Variants in CDH4 observed in about 807,000 individuals in gnomAD.
The protein encoded by CDH4 is cadherin 4.
In CDH4, 33 loss-of-function variants were observed where a neutral mutation model predicts 86.0. The observed-to-expected ratio is 0.38, with a 90% CI of 0.29 to 0.51. The LOEUF is 0.51. CDH4 is among the 20% of genes least tolerant of loss of function. The pLI is 0.86. For missense variants in CDH4, 1,114 were observed against 1,307.4 expected (o/e 0.85, Z 2.28); for synonymous variants, 555 against 549.4 (o/e 1.01, Z -0.14).
At chr20:61,750,675 A>T (rs548173759) in intron 3 of CDH4, among the ~76,000 whole-genome samples, 1 of 152,354 alleles carries the variant, frequency 6.6e-6, no homozygotes, top group South Asian at 2.1e-4. Flanking sequence ...CAAGAAAAAG[A>T]AATTAGAATA....
intron 2 of CDH4, among the ~76,000 whole-genome samples, chr20:61,538,561 C>T (rs967652717): frequency 6.6e-6 from 1 of 152,186 alleles, no homozygotes; most frequent in Non-Finnish European, 1.5e-5. Flanking sequence ...TCCGCCTGTC[C>T]CTGCTGGTGC....
At chr20:61,265,400 A>G (rs1343369110) in intron 2 of CDH4, among the ~76,000 whole-genome samples, 5 of 149,338 alleles carry the variant, frequency 3.3e-5, no homozygotes, top group East Asian at 2.0e-4. Flanking sequence ...CCTTCATTCA[A>G]TCTTACACAT....
chr20:61,916,376 C>T (rs948894592), intron 9 of CDH4, among the ~76,000 whole-genome samples: 2 of 152,254 alleles, frequency 1.3e-5, no homozygotes, highest in African/African-American at 4.8e-5. Flanking sequence ...TTACCTCAAA[C>T]ATAAAATGAT....
chr20:61,689,074 A>G (rs1210064315), intron 2 of CDH4, among the ~76,000 whole-genome samples: 3 of 152,266 alleles, frequency 2.0e-5, no homozygotes, highest in African/African-American at 7.2e-5. Flanking sequence ...AATTTCTCCT[A>G]TCTGTGGGTA....
At chr20:61,771,762 T>C (rs1395890428) in intron 3 of CDH4, among the ~76,000 whole-genome samples, 2 of 152,224 alleles carry the variant, frequency 1.3e-5, no homozygotes, top group Non-Finnish European at 2.9e-5. Flanking sequence ...ATTATAATAT[T>C]CCAAGACATG....
chr20:61,623,399 G>A lies in CDH4; in HGVS notation c.170-120164G>A, dbSNP rs912349108. Among the ~76,000 whole-genome samples the A allele has an allele frequency of 2.6e-5, 4 of 152,108 alleles. No individual in the cohort carries two copies. The highest frequency in any genetic ancestry group is 2.1e-4 in the South Asian group (1 of 4,820). On this transcript the variant is annotated intron_variant, in intron 2 of 15. Transcript: ENST00000614565. The surrounding 1 kb of genome is among the most constrained non-coding windows in gnomAD (Gnocchi z 4.4). ...ATCACAAAGCCCCCTTTAAACTCCC[G>A]TTTAGAACAGTGATTGAAGGTGCTA... is the stretch of plus-strand genomic sequence containing the variant.
chr20:61,572,205 T>A (rs375425870), intron 2 of CDH4, among the ~76,000 whole-genome samples: 2 of 152,298 alleles, frequency 1.3e-5, no homozygotes, highest in East Asian at 3.9e-4. Flanking sequence ...CCGTGTTAAG[T>A]CCAATTTCAC....
At chr20:61,834,436 G>C (rs1311343595) in intron 4 of CDH4, among the ~76,000 whole-genome samples, 1 of 152,192 alleles carries the variant, frequency 6.6e-6, no homozygotes, top group East Asian at 1.9e-4. Flanking sequence ...GCATCTTCCA[G>C]CCCGGCCCCC....
intron 2 of CDH4, among the ~76,000 whole-genome samples, chr20:61,627,255 C>T (rs2086837877): frequency 6.6e-6 from 1 of 152,204 alleles, no homozygotes; most frequent in Non-Finnish European, 1.5e-5. Context: ...TGCTGGAAAC[C>T]TGACTGTGCC....
intron 2 of CDH4, among the ~76,000 whole-genome samples, chr20:61,424,815 C>CCCTT (rs2085202665): frequency 6.6e-6 from 1 of 152,242 alleles, no homozygotes. Flanking sequence ...CCGCCTGTTT[C>CCCTT]CCATCCAGTG....
intron 2 of CDH4, among the ~76,000 whole-genome samples, chr20:61,661,848 T>C (rs1467716236): frequency 1.3e-5 from 2 of 152,066 alleles, no homozygotes; most frequent in African/African-American, 4.8e-5. Context: ...TGGGTGCGCC[T>C]TCTATGGATC....
At chr20:61,731,874 A>G (rs2088194048) in intron 2 of CDH4, among the ~76,000 whole-genome samples, 1 of 152,134 alleles carries the variant, frequency 6.6e-6, no homozygotes, top group African/African-American at 2.4e-5. Context: ...GGATGCCTCT[A>G]CTGGAGGGTG....
chr20:61,648,272 T>G (rs55861489), intron 2 of CDH4, among the ~76,000 whole-genome samples: 56,786 of 152,110 alleles, frequency 0.37, 11,527 homozygotes, highest in Non-Finnish European at 0.46. Flanking sequence ...GGGCTTTCAG[T>G]AGGGAGGAAG....
intron 2 of CDH4, among the ~76,000 whole-genome samples, chr20:61,390,644 C>T (rs1600932024): frequency 6.6e-6 from 1 of 150,650 alleles, no homozygotes; most frequent in Admixed American, 6.6e-5. Context: ...TCATAGGGTG[C>T]CCATAGTGCC....
At chr20:61,931,312 A>C (rs2055106170) in intron 13 of CDH4, among the ~76,000 whole-genome samples, 1 of 152,106 alleles carries the variant, frequency 6.6e-6, no homozygotes, top group Non-Finnish European at 1.5e-5. Flanking sequence ...CTCCGCCTGC[A>C]CTTCCCTCTC....
rs1319413476 is a variant in CDH4, at chr20:61,726,590, C to CCACCAGTGCTGCCATCAT, written c.170-16968_170-16967insGTGCTGCCATCATCACCA. Among the ~76,000 whole-genome samples the CCACCAGTGCTGCCATCAT allele has an allele frequency of 1.7e-3, 265 of 152,022 alleles. 1 individual carries two copies. The highest frequency in any genetic ancestry group is 6.1e-3 in the African/African-American group (254 of 41,468). On this transcript the variant is annotated intron_variant, in intron 2 of 15. Coordinates refer to ENST00000614565, the MANE Select transcript of CDH4 (RefSeq NM_001794.5). Reference sequence around the variant, plus strand: ...TGCCATCATCATCATTATGCCATCACCACCATTGCTGCCATCATCACCATC... The same window carrying CCACCAGTGCTGCCATCAT: ...TGCCATCATCATCATTATGCCATCACCACCAGTGCTGCCATCATCACCATTGCTGCCATCATCACCATC...
At position 61,758,920 on chromosome 20, in the gene CDH4, T is replaced by C. The variant is rs75952523; in HGVS notation, c.397-14083T>C. ...CTCTCGACTAGAGCTGGTGTGTGTGTGCACCTGTGTGCATGGGTGTACACA... is the reference window on the plus strand; with the variant it reads ...CTCTCGACTAGAGCTGGTGTGTGTGCGCACCTGTGTGCATGGGTGTACACA... On this transcript the variant is annotated intron_variant, in intron 3 of 15. Transcript: ENST00000614565. Among the ~76,000 whole-genome samples the C allele has an allele frequency of 8.0e-3, 1,225 of 152,272 alleles. 23 individuals carry two copies. The highest frequency in any genetic ancestry group is 0.028 in the African/African-American group (1,171 of 41,562).
intron 2 of CDH4, among the ~76,000 whole-genome samples, chr20:61,301,905 T>C (rs940536185): frequency 6.6e-6 from 1 of 152,250 alleles, no homozygotes; most frequent in Admixed American, 6.5e-5. Context: ...TCTGAATGTT[T>C]GGGATTTCAT....
At chr20:61,374,471 C>T (rs2084856038) in intron 2 of CDH4, among the ~76,000 whole-genome samples, 1 of 152,194 alleles carries the variant, frequency 6.6e-6, no homozygotes, top group Admixed American at 6.5e-5. Flanking sequence ...GGTCCTGGTG[C>T]TCCACTCACT....
Sources: gnomAD v4.1 joint callset for allele counts (sites outside exome capture counted in the v4.1 genomes callset) on GRCh38, gnomAD v4.1.1 for gene constraint, Gnocchi (gnomAD v3.1) non-coding constraint, MANE v1.5 for transcripts, NCBI Gene and HGNC (gene_info 2026-07-23, HGNC 2026-07-21) for gene names.